The following NPAS3 variants were observed in gnomAD, a reference collection of about 807,000 sequenced individuals.
The protein encoded by NPAS3 is neuronal PAS domain protein 3.
NPAS3 carries 14 observed loss-of-function variants against 73.1 expected under a neutral mutation model. That is an observed-to-expected ratio of 0.19 (90% CI 0.13 to 0.30). The LOEUF (loss-of-function observed/expected upper bound fraction) is 0.30, where lower values mean the gene tolerates loss of function less well. NPAS3 is among the 10% of genes least tolerant of loss of function. The pLI is 1.00. For missense variants in NPAS3, 1,096 were observed against 1,250.0 expected (o/e 0.88, Z 1.86); for synonymous variants, 620 against 541.5 (o/e 1.14, Z -2.01).
Position 33,800,481 on chromosome 14 carries a change from C to A in NPAS3, c.2174C>A (p.Ala725Asp), listed in dbSNP as rs2063669993. The A allele has an allele frequency of 6.7e-7, 1 of 1,482,358 alleles. No individual in the cohort carries two copies. Among genetic ancestry groups the A allele is most frequent in the African/African-American group, 1.5e-5 (1 of 67,724 alleles). 91.8% of individuals were successfully genotyped at this position (1,482,358 alleles called of 1,614,324 possible). ...ACCCCGCCCGGCGCCGACGGCGCGG[C>A]CGCCCGCAAGACTCAGTTCGGCGCC... The change falls in exon 12 of 12, where the codon GCC becomes GAC. Residue 725 changes from alanine to aspartate, a missense_variant. Transcript: ENST00000356141. The surrounding 1 kb of genome is among the most constrained non-coding windows in gnomAD (Gnocchi z 6.5).
intron 1 of NPAS3, among the ~76,000 whole-genome samples, chr14:33,016,633 C>T (rs1432842123): frequency 1.6e-5 from 2 of 126,792 alleles, no homozygotes; most frequent in African/African-American, 2.9e-5. Context: ...AAAAAAAAAA[C>T]GACCTAACCC....
At chr14:33,522,736 G>A (rs574420635) in intron 4 of NPAS3, among the ~76,000 whole-genome samples, 40 of 152,108 alleles carry the variant, frequency 2.6e-4, no homozygotes, top group African/African-American at 9.4e-4. Flanking sequence ...TACTCCTTTG[G>A]TTATATGTAT....
intron 6 of NPAS3, among the ~76,000 whole-genome samples, chr14:33,676,764 G>A (rs1195448834): frequency 6.6e-6 from 1 of 152,214 alleles, no homozygotes; most frequent in Admixed American, 6.5e-5. Flanking sequence ...CCAAATAGTA[G>A]CTCGTGGAGA....
At chr14:33,097,799 T>G (rs2042466246) in intron 2 of NPAS3, among the ~76,000 whole-genome samples, 1 of 152,156 alleles carries the variant, frequency 6.6e-6, no homozygotes, top group Non-Finnish European at 1.5e-5. Context: ...CACTTAGTGT[T>G]AGTTTTGTGA....
At chr14:33,169,805 C>A (rs147993101) in intron 2 of NPAS3, among the ~76,000 whole-genome samples, 253 of 152,236 alleles carry the variant, frequency 1.7e-3, no homozygotes, top group African/African-American at 5.8e-3. Context: ...TGTATGAAAG[C>A]AGTTTAACAT....
At chr14:33,238,194 T>C (rs2048102474) in intron 3 of NPAS3, among the ~76,000 whole-genome samples, 1 of 151,902 alleles carries the variant, frequency 6.6e-6, no homozygotes, top group African/African-American at 2.4e-5. Context: ...CGTAAACATA[T>C]TACCTGCAGA....
Position 32,953,495 on chromosome 14 carries a change from A to T in NPAS3, c.50+14129A>T, listed in dbSNP as rs902743299. 5.9e-5 allele frequency among the ~76,000 whole-genome samples: 9 copies of T among 152,172 alleles called. 1 individual carries two copies. Among genetic ancestry groups the T allele is most frequent in the African/African-American group, 2.2e-4 (9 of 41,458 alleles). On this transcript the variant is annotated intron_variant, in intron 1 of 11. Coordinates refer to ENST00000356141, the Ensembl canonical transcript of NPAS3. ...TTGTAGCAGTCAGTGAATGGGCTTC[A>T]GGAAATCCAATAATCTACTGAAACA... is the stretch of plus-strand genomic sequence containing the variant.
At chr14:33,575,248 G>A (rs570871430) in intron 5 of NPAS3, among the ~76,000 whole-genome samples, 1 of 152,278 alleles carries the variant, frequency 6.6e-6, no homozygotes, top group East Asian at 1.9e-4. Context: ...ACTATTAACT[G>A]ATGATCGAGT....
intron 2 of NPAS3, among the ~76,000 whole-genome samples, chr14:33,202,026 C>A (rs936059199): frequency 6.6e-6 from 1 of 152,128 alleles, no homozygotes; most frequent in Admixed American, 6.6e-5. Context: ...GAGCAACTTG[C>A]AAGTTCATGC....
chr14:33,278,690 A>G (rs2140049743), intron 3 of NPAS3, among the ~76,000 whole-genome samples: 1 of 152,312 alleles, frequency 6.6e-6, no homozygotes, highest in South Asian at 2.1e-4. Flanking sequence ...GTACTTAAAG[A>G]TTGAGCATAT....
chr14:33,608,128 T>A (rs1355179635), intron 5 of NPAS3, among the ~76,000 whole-genome samples: 2 of 152,180 alleles, frequency 1.3e-5, no homozygotes, highest in African/African-American at 4.8e-5. Context: ...TTAGAAAAAT[T>A]GAACATTTTA....
chr14:33,611,528 G>C (rs2057748472), intron 5 of NPAS3, among the ~76,000 whole-genome samples: 4 of 149,276 alleles, frequency 2.7e-5, no homozygotes, highest in African/African-American at 1.0e-4. Context: ...AAATGAAAGG[G>C]GAGTCTTACC....
intron 3 of NPAS3, among the ~76,000 whole-genome samples, chr14:33,365,065 G>A (rs766283038): frequency 6.6e-6 from 1 of 151,608 alleles, no homozygotes; most frequent in Middle Eastern, 3.4e-3. Flanking sequence ...AGTCCCTGAA[G>A]TGCCCCCCCA....
intron 2 of NPAS3, among the ~76,000 whole-genome samples, chr14:33,198,001 G>A (rs896826076): frequency 4.6e-5 from 7 of 151,550 alleles, no homozygotes; most frequent in African/African-American, 1.7e-4. Context: ...GGCTTCAGGA[G>A]TGAAGCTGCA....
At chr14:33,446,848 T>C (rs2049532239) in intron 4 of NPAS3, among the ~76,000 whole-genome samples, 2 of 152,252 alleles carry the variant, frequency 1.3e-5, no homozygotes, top group Admixed American at 1.3e-4. Flanking sequence ...GATAATATTT[T>C]CTATGCTACC....
intron 4 of NPAS3, among the ~76,000 whole-genome samples, chr14:33,534,217 TAA>T (rs5807733): frequency 0.071 from 9,813 of 138,374 alleles, 864 homozygotes; most frequent in African/African-American, 0.22. Flanking sequence ...CACAGAGCAG[TAA>T]AAAAAAAAAA....
At chr14:33,210,699 C>T (rs2046998190) in intron 2 of NPAS3, among the ~76,000 whole-genome samples, 1 of 152,088 alleles carries the variant, frequency 6.6e-6, no homozygotes, top group South Asian at 2.1e-4. Context: ...TGTTTAGATA[C>T]TCATTTTGTA....
intron 5 of NPAS3, among the ~76,000 whole-genome samples, chr14:33,604,227 A>G (rs2057485792): frequency 6.6e-6 from 1 of 152,098 alleles, no homozygotes; most frequent in Non-Finnish European, 1.5e-5. Flanking sequence ...AGAGATTGTC[A>G]GATTATATAA....
At chr14:33,544,168 G>A (rs1004961893) in intron 4 of NPAS3, among the ~76,000 whole-genome samples, 4 of 151,462 alleles carry the variant, frequency 2.6e-5, no homozygotes, top group South Asian at 2.1e-4. Context: ...TTAGAGACAG[G>A]GTCTCACTCT....
Sources: gnomAD v4.1 joint callset for allele counts (sites outside exome capture counted in the v4.1 genomes callset) on GRCh38, gnomAD v4.1.1 for gene constraint, Gnocchi (gnomAD v3.1) non-coding constraint, MANE v1.5 for transcripts, NCBI Gene and HGNC (gene_info 2026-07-23, HGNC 2026-07-21) for gene names.